MTO1: variants seen among roughly 807,000 people sequenced by gnomAD.
MTO1 encodes mitochondrial tRNA translation optimization 1, also known as 5-taurinomethyluridine-[tRNA] synthase subunit MTO1, mitochondrial.
MTO1 carries 46 observed loss-of-function variants against 71.6 expected under a neutral mutation model. That is an observed-to-expected ratio of 0.64 (90% CI 0.51 to 0.82). The LOEUF (loss-of-function observed/expected upper bound fraction) is 0.82. Ranked by LOEUF, MTO1 falls within the 40% of genes least tolerant of loss-of-function variation. MTO1 has a pLI of 0.00. For synonymous variants in MTO1, 297 were observed against 312.1 expected, an observed-to-expected ratio of 0.95 and a Z score of 0.51; for missense variants, 773 against 867.5, an observed-to-expected ratio of 0.89 and a Z score of 1.37.
chr6:73,483,035 G>A (rs935743665), intron 9 of MTO1, among the ~76,000 whole-genome samples: 1 of 151,708 alleles, frequency 6.6e-6, no homozygotes, highest in Non-Finnish European at 1.5e-5. Context: ...CTCGTGATCC[G>A]CCCGCCTCGG....
chr6:73,463,625 A>G (rs955974310), intron 1 of MTO1, among the ~76,000 whole-genome samples: 1 of 152,172 alleles, frequency 6.6e-6, no homozygotes, highest in Non-Finnish European at 1.5e-5. Flanking sequence ...TTCAGCTCAT[A>G]ACTGTGAAGA....
Position 73,502,687 on chromosome 6 carries a change from AG to A in MTO1, c.*1954del, listed in dbSNP as rs1279692244. The A allele has an allele frequency of 6.6e-6, 1 of 152,140 alleles. No individual in the cohort carries two copies. The highest frequency in any genetic ancestry group is 1.5e-5 in the Non-Finnish European group (1 of 68,052). 9.4% of individuals were successfully genotyped at this position (152,140 alleles called of 1,614,324 possible). On this transcript the variant is annotated 3_prime_UTR_variant, in exon 12 of 12. Coordinates refer to ENST00000498286, the MANE Select transcript of MTO1 (RefSeq NM_012123.4). ...GCTGAGGCAGGTGGATCACGAGGTCAGGAGATCGAGACCATCCTGCCCAACA... is the reference window on the plus strand; with the variant it reads ...GCTGAGGCAGGTGGATCACGAGGTCAGAGATCGAGACCATCCTGCCCAACA...
At position 73,476,285 on chromosome 6, in the gene MTO1, A is replaced by T. The variant is rs149664671; in HGVS notation, c.825+2631A>T. Among the ~76,000 whole-genome samples, 3 of 151,706 alleles carry T rather than the reference A, an allele frequency of 2.0e-5. No homozygotes were observed. The South Asian group carries it at 6.3e-4, about 32-fold the overall frequency. On this transcript the variant is annotated intron_variant, in intron 4 of 11. Coordinates refer to ENST00000498286, the MANE Select transcript of MTO1 (RefSeq NM_012123.4). ...GCTACTCGGGAGGCTGAGGCAGGAAAATTGCTCGAACCTGGGAGGCAGAGG... is the reference window on the plus strand; with the variant it reads ...GCTACTCGGGAGGCTGAGGCAGGAATATTGCTCGAACCTGGGAGGCAGAGG...
At chr6:73,465,528 A>G (rs1770962126) in intron 1 of MTO1, among the ~76,000 whole-genome samples, 1 of 152,062 alleles carries the variant, frequency 6.6e-6, no homozygotes, top group Admixed American at 6.6e-5. Context: ...ACTTCTTACA[A>G]GTGTGCTTGA....
At chr6:73,473,302 A>G in intron 3 of MTO1, 63 bp from the exon 4 acceptor site, 1 of 1,401,688 alleles carries the variant, frequency 7.1e-7, no homozygotes, top group Non-Finnish European at 9.7e-7. Context: ...ATAGATAGAT[A>G]CATAGATACA....
intron 4 of MTO1, among the ~76,000 whole-genome samples, chr6:73,474,014 G>A (rs1771235103): frequency 6.6e-6 from 1 of 151,746 alleles, no homozygotes. Context: ...TCGAACTCCT[G>A]GGCTCAAAGG....
At chr6:73,486,395 A>C (rs1771653795) in intron 9 of MTO1, among the ~76,000 whole-genome samples, 1 of 151,756 alleles carries the variant, frequency 6.6e-6, no homozygotes, top group Non-Finnish European at 1.5e-5. Flanking sequence ...TCCTTCCCCC[A>C]GCCCCTGGTA....
At chr6:73,482,789 C>CTTTTTTTTTTTTTT (rs35121302) in intron 9 of MTO1, among the ~76,000 whole-genome samples, 169 bp downstream of exon 9, 49 of 92,118 alleles carry the variant, frequency 5.3e-4, no homozygotes, top group Middle Eastern at 0.01. Flanking sequence ...TTTTTTCTTT[C>CTTTTTTTTTTTTTT]TTTTTTTTTT....
chr6:73,501,832 CTT>C lies in MTO1; in HGVS notation c.*1099_*1100del, dbSNP rs1772169237. 6.6e-6 allele frequency: 1 copy of C among 152,206 alleles called. No individual in the cohort carries two copies. The highest frequency in any genetic ancestry group is 2.4e-5 in the African/African-American group (1 of 41,454). The allele number at this position is 152,206 out of a possible 1,614,324, so 9.4% of individuals were successfully genotyped here. On this transcript the variant is annotated 3_prime_UTR_variant, in exon 12 of 12. Transcript: ENST00000498286. ...GAGAGTTCTAAGGGCCCCAAAGTCA[CTT>C]TGGCTACAGATGTGTATGTTAAGCC... is the stretch of plus-strand genomic sequence containing the variant.
At chr6:73,478,642 G>A (rs982088208) in intron 4 of MTO1, among the ~76,000 whole-genome samples, 9 of 152,112 alleles carry the variant, frequency 5.9e-5, no homozygotes, top group African/African-American at 1.7e-4. Context: ...GGGTTCAAGC[G>A]ATTCTCCTGC....
intron 10 of MTO1, among the ~76,000 whole-genome samples, chr6:73,495,462 G>T (rs1263981512): frequency 6.6e-6 from 1 of 151,944 alleles, no homozygotes; most frequent in African/African-American, 2.4e-5. Context: ...TCATTAACTT[G>T]TTCATAGAAA....
intron 1 of MTO1, among the ~76,000 whole-genome samples, chr6:73,463,330 G>A (rs962784672): frequency 1.3e-5 from 2 of 151,720 alleles, no homozygotes; most frequent in African/African-American, 2.4e-5. Flanking sequence ...CGTGCCCAGC[G>A]CCATGCTACC....
In MTO1 at chr6:73,462,017, GC is replaced by G; in HGVS notation, c.165del (p.Ala56LeufsTer34). The G allele has an allele frequency of 6.2e-7, 1 of 1,614,054 alleles. No homozygotes were observed. Among genetic ancestry groups the G allele is most frequent in the Non-Finnish European group, 8.5e-7 (1 of 1,179,986 alleles). On this transcript the variant is annotated frameshift_variant, in exon 1 of 12. Transcript: ENST00000498286. LOFTEE classifies it high-confidence loss of function. ...GHAGTEAATA[A>X]ARCGSRTLLL... ...TGCCGGGACTGAGGCAGCCACCGCCGCCGCTCGGTGCGGCTCTCGGACTCTG... is the reference window on the plus strand; with the variant it reads ...TGCCGGGACTGAGGCAGCCACCGCCGCGCTCGGTGCGGCTCTCGGACTCTG...
In MTO1 at chr6:73,504,430, GC is replaced by G. The variant is rs1772234458; in HGVS notation, c.*3698del. The G allele has an allele frequency of 6.6e-6, 1 of 152,258 alleles. No homozygotes were observed. The highest frequency in any genetic ancestry group is 1.9e-4 in the East Asian group (1 of 5,184). 9.4% of individuals were successfully genotyped at this position (152,258 alleles called of 1,614,324 possible). ...ACAGGCATGAGCCACCATGTGCCTG[GC>G]CCTACCTTAATGTTAATATCTGTCT... On this transcript the variant is annotated 3_prime_UTR_variant, in exon 12 of 12. Transcript: ENST00000498286.
rs1454155102 is a variant in MTO1 at position 73,482,512 on chromosome 6, C to T, written c.1529C>T (p.Ser510Phe). ...GAAAGAGCTTGTTGGATGAAGTCTT[C>T]TTTAGAAGAAGGCATTTCTGTGTTG... The part of the protein sequence containing the change: ...RYERACWMKS[S>F]LEEGISVLKS... The change falls in exon 9 of 12, where the codon TCT becomes TTT. Residue 510 changes from serine to phenylalanine, a missense_variant. By Grantham distance (155) the Ser-to-Phe change is radical (BLOSUM62 -2). Coordinates refer to ENST00000498286, the MANE Select transcript of MTO1 (RefSeq NM_012123.4). The T allele has an allele frequency of 1.2e-6, 2 of 1,613,304 alleles. No individual in the cohort carries two copies. The highest frequency in any genetic ancestry group is 2.2e-5 in the South Asian group (2 of 91,046).
rs537507054 is a variant in MTO1 at position 73,503,190 on chromosome 6, C to T, written c.*2455C>T. 4 of 152,216 alleles carry T rather than the reference C, an allele frequency of 2.6e-5. No homozygotes were observed. The highest frequency in any genetic ancestry group is 2.6e-4 in the Admixed American group (4 of 15,274). The allele number at this position is 152,216 out of a possible 1,614,324, so 9.4% of individuals were successfully genotyped here. A position where few individuals can be genotyped will look rare whatever the true frequency, so the allele number is the denominator to read the frequency against. On this transcript the variant is annotated 3_prime_UTR_variant, in exon 12 of 12. Coordinates refer to ENST00000498286, the MANE Select transcript of MTO1 (RefSeq NM_012123.4). Reference sequence around the variant, plus strand: ...GTGGTACAATCATAGCTCACTGCAGCCTTGATCTCCTGGGCTCAAGTGATC... The same window carrying T: ...GTGGTACAATCATAGCTCACTGCAGTCTTGATCTCCTGGGCTCAAGTGATC...
In MTO1 at chr6:73,508,437, G is replaced by A. The variant is rs1323312454; in HGVS notation, c.*7702G>A. 6.6e-6 allele frequency: 1 copy of A among 152,016 alleles called. No homozygotes were observed. Among genetic ancestry groups the A allele is most frequent in the East Asian group, 1.9e-4 (1 of 5,202 alleles). The allele number at this position is 152,016 out of a possible 1,614,324, so 9.4% of individuals were successfully genotyped here. On this transcript the variant is annotated 3_prime_UTR_variant, in exon 12 of 12. Transcript: ENST00000498286. Reference sequence around the variant, plus strand: ...TTAAGATACATAAAAAAAAACACTGGCTAAATTTAAAAGGAAACACTTCTA... The same window carrying A: ...TTAAGATACATAAAAAAAAACACTGACTAAATTTAAAAGGAAACACTTCTA...
In MTO1 at chr6:73,482,789, C is replaced by CTTTTTTTTTT. The variant is rs35121302; in HGVS notation, c.1637+182_1637+191dup. On this transcript the variant is annotated intron_variant, in intron 9 of 11. Transcript: ENST00000498286. ...TAGCTGTAACTCATCTTTTTTCTTT[C>CTTTTTTTTTT]TTTTTTTTTTTTTTTTTTTTTTGAG... Among the ~76,000 whole-genome samples, 10 of 92,146 alleles carry CTTTTTTTTTT rather than the reference C, an allele frequency of 1.1e-4. 1 individual carries two copies. Among genetic ancestry groups the CTTTTTTTTTT allele is most frequent in the African/African-American group, 1.7e-4 (4 of 23,596 alleles). 60.5% of individuals were successfully genotyped at this position (92,146 alleles called of 152,430 possible).
chr6:73,467,337 G>A (rs1771028431), intron 3 of MTO1, among the ~76,000 whole-genome samples: 1 of 151,374 alleles, frequency 6.6e-6, no homozygotes, highest in Admixed American at 6.6e-5. Context: ...AAATAAGTTT[G>A]GGTGTAGTGG....
Sources: allele counts gnomAD v4.1 joint callset (sites outside exome capture counted in the v4.1 genomes callset), GRCh38; gene constraint gnomAD v4.1.1; transcripts MANE v1.5; gene names NCBI Gene and HGNC (gene_info 2026-07-23, HGNC 2026-07-21).